Variants in TXN2 observed in about 807,000 individuals in gnomAD.
The protein encoded by TXN2 is thioredoxin 2.
In TXN2, 12 loss-of-function variants were observed where a neutral mutation model predicts 14.6. The observed-to-expected ratio is 0.82, with a 90% CI of 0.53 to 1.33. The LOEUF (loss-of-function observed/expected upper bound fraction) is 1.33. Among genes scored for constraint, TXN2 ranks in the 40% most tolerant of loss-of-function variants. The pLI is 0.00. For synonymous variants in TXN2, 89 were observed against 81.0 expected, an observed-to-expected ratio of 1.10 and a Z score of -0.53; for missense variants, 173 against 207.7, an observed-to-expected ratio of 0.83 and a Z score of 1.03.
At chr22:36,478,621 C>T (rs897615662) in intron 2 of TXN2, among the ~76,000 whole-genome samples, 1 of 152,164 alleles carries the variant, frequency 6.6e-6, no homozygotes, top group African/African-American at 2.4e-5. Context: ...TCCTGAGTAG[C>T]AGGTGTGGTG....
intron 1 of TXN2, 183 bp from the exon 2 acceptor site, chr22:36,481,020 T>G: frequency 1.7e-6 from 1 of 598,790 alleles, no homozygotes; most frequent in East Asian, 3.1e-5. Flanking sequence ...AAGGAACAGC[T>G]AGGCAAACCA....
chr22:36,475,589 G>A (rs1451344683), intron 3 of TXN2, among the ~76,000 whole-genome samples: 2 of 152,122 alleles, frequency 1.3e-5, no homozygotes, highest in African/African-American at 2.4e-5. Context: ...TTTCGGCTAC[G>A]AGCCCAGCTG....
In TXN2 at chr22:36,480,759, G is replaced by C. The variant is rs780135728; in HGVS notation, c.79C>G (p.Leu27Val). Residue 27 changes from leucine (L) to valine (V), a missense_variant, in exon 2 of 4, where the codon CTC (leucine) becomes GTC (valine). Leu to Val is a conservative substitution (Grantham distance 32). Transcript: ENST00000216185. ...RKPSQGQWPP[L>V]TSRALQTPQC... ...GGGGTCTGCAGGGCTCTGGAAGTGA[G>C]GGGTGGCCACTGACCCTGAGAGGGC... 1 of 1,613,840 alleles carries C rather than the reference G, an allele frequency of 6.2e-7. No individual in the cohort carries two copies. The highest frequency in any genetic ancestry group is 8.5e-7 in the Non-Finnish European group (1 of 1,179,848).
At position 36,467,605 on chromosome 22, in the gene TXN2, G is replaced by A. The variant is rs1286741196; in HGVS notation, c.*199C>T. Reference sequence around the variant, plus strand: ...TATGGGAGGGAAGACAGCGGTCCCCGGATCAGCAGCAGCACCACCATCCTC... The same window carrying A: ...TATGGGAGGGAAGACAGCGGTCCCCAGATCAGCAGCAGCACCACCATCCTC... On this transcript the variant is annotated 3_prime_UTR_variant, in exon 4 of 4. Coordinates refer to ENST00000216185, the MANE Select transcript of TXN2 (RefSeq NM_012473.4). 9 of 573,604 alleles carry A rather than the reference G, an allele frequency of 1.6e-5. No homozygotes were observed. Among genetic ancestry groups the A allele is most frequent in the African/African-American group, 5.6e-5 (3 of 53,260 alleles). The allele number at this position is 573,604 out of a possible 1,614,324, so 35.5% of individuals were successfully genotyped here. A position where few individuals can be genotyped will look rare whatever the true frequency, so the allele number is the denominator to read the frequency against.
chr22:36,476,971 A>G (rs1394712905), intron 2 of TXN2, 115 bp from the exon 3 acceptor site: 3 of 1,509,972 alleles, frequency 2.0e-6, no homozygotes, highest in African/African-American at 2.8e-5. Context: ...ATCTCTGTTT[A>G]CCATGTTTAA....
intron 2 of TXN2, 149 bp from the exon 3 acceptor site, chr22:36,477,005 G>T (rs1189811896): frequency 2.2e-5 from 30 of 1,341,998 alleles, no homozygotes; most frequent in Non-Finnish European, 3.0e-5. Flanking sequence ...AAATGGTAAT[G>T]CCAGGAGATT....
chr22:36,469,637 T>C (rs1406994310), intron 3 of TXN2, among the ~76,000 whole-genome samples: 2 of 152,178 alleles, frequency 1.3e-5, no homozygotes, highest in African/African-American at 4.8e-5. Flanking sequence ...CTGGCATTCG[T>C]GGGCATTTGA....
rs182227612 is a variant in TXN2 at position 36,471,812 on chromosome 22, T to C, written c.388-3895A>G. On this transcript the variant is annotated intron_variant, in intron 3 of 3. Transcript: ENST00000216185. ...GGTGAAACCTTGTCTCTACCAAAAA[T>C]ACAAAAATTAGGCCGGGCGTGGTGG... Among the ~76,000 whole-genome samples the C allele has an allele frequency of 1.4e-3, 213 of 151,614 alleles. 1 individual carries two copies. In the South Asian group the frequency reaches 0.027, roughly 19 times the overall value.
chr22:36,476,810 C>T lies in TXN2; in HGVS notation c.310G>A (p.Val104Met). ...KILGPRLEKM[V>M]AKQHGKVVMA... is the part of the protein sequence containing the mutation. ...ACCACCTTCCCGTGCTGCTTGGCCA[C>T]CATCTTCTCTAACCTCGGCCCCAGG... Residue 104 changes from valine to methionine, a missense_variant, in exon 3 of 4, where the codon GTG becomes ATG. Transcript: ENST00000216185. 6.2e-7 allele frequency: 1 copy of T among 1,614,168 alleles called. No individual in the cohort carries two copies. The highest frequency in any genetic ancestry group is 8.5e-7 in the Non-Finnish European group (1 of 1,180,036).
At chr22:36,469,878 C>A (rs1933237879) in intron 3 of TXN2, among the ~76,000 whole-genome samples, 1 of 152,162 alleles carries the variant, frequency 6.6e-6, no homozygotes, top group Non-Finnish European at 1.5e-5. Flanking sequence ...ATCGCTTGAA[C>A]CCGGGAGGCA....
At chr22:36,471,842 C>A (rs10222216) in intron 3 of TXN2, among the ~76,000 whole-genome samples, 5 of 151,864 alleles carry the variant, frequency 3.3e-5, no homozygotes, top group Non-Finnish European at 5.9e-5. Flanking sequence ...TGGTGGCTCA[C>A]GCCTGTAATT....
intron 3 of TXN2, among the ~76,000 whole-genome samples, chr22:36,474,077 C>T (rs1933338555): frequency 6.6e-6 from 1 of 152,176 alleles, no homozygotes; most frequent in South Asian, 2.1e-4. Flanking sequence ...CCCTAGGAGC[C>T]CCAGCCCGGG....
intron 2 of TXN2, among the ~76,000 whole-genome samples, chr22:36,478,748 TG>T (rs1460641089): frequency 6.6e-6 from 1 of 151,434 alleles, no homozygotes; most frequent in Non-Finnish European, 1.5e-5. Context: ...GAGAATCACC[TG>T]TGGTCAGGAG....
At chr22:36,478,600 C>T (rs1933435931) in intron 2 of TXN2, among the ~76,000 whole-genome samples, 1 of 152,178 alleles carries the variant, frequency 6.6e-6, no homozygotes, top group East Asian at 1.9e-4. Context: ...AGCAATTCTC[C>T]TGCCTCAGCC....
chr22:36,467,601 C>A lies in TXN2; in HGVS notation c.*203G>T. Reference sequence around the variant, plus strand: ...GGCGTATGGGAGGGAAGACAGCGGTCCCCGGATCAGCAGCAGCACCACCAT... The same window carrying A: ...GGCGTATGGGAGGGAAGACAGCGGTACCCGGATCAGCAGCAGCACCACCAT... On this transcript the variant is annotated 3_prime_UTR_variant, in exon 4 of 4. Coordinates refer to ENST00000216185, the MANE Select transcript of TXN2 (RefSeq NM_012473.4). 5.3e-6 allele frequency: 3 copies of A among 566,904 alleles called. No individual in the cohort carries two copies. The highest frequency in any genetic ancestry group is 3.9e-5 in the South Asian group (2 of 50,780). The allele number at this position is 566,904 out of a possible 1,614,324, so 35.1% of individuals were successfully genotyped here.
intron 3 of TXN2, among the ~76,000 whole-genome samples, chr22:36,469,493 G>A (rs1224839822): frequency 6.6e-6 from 1 of 152,172 alleles, no homozygotes; most frequent in East Asian, 1.9e-4. Context: ...CAGGCAGATG[G>A]CAAGGACAAC....
At position 36,467,516 on chromosome 22, in the gene TXN2, C is replaced by T. The variant is rs1174172817; in HGVS notation, c.*288G>A. The T allele has an allele frequency of 1.8e-5, 7 of 389,354 alleles. No individual in the cohort carries two copies. Among genetic ancestry groups the T allele is most frequent in the Non-Finnish European group, 2.9e-5 (6 of 206,814 alleles). The allele number at this position is 389,354 out of a possible 1,614,324, so 24.1% of individuals were successfully genotyped here. On this transcript the variant is annotated 3_prime_UTR_variant, in exon 4 of 4. Transcript: ENST00000216185. ...CCTGACTAGGAACGCTGTGGGCTGG[C>T]CCAGGCTCTCGCCACACATCCTGGG... is the stretch of plus-strand genomic sequence containing the variant.
In TXN2 at chr22:36,470,448, T is replaced by C. The variant is rs564324362; in HGVS notation, c.388-2531A>G. On this transcript the variant is annotated intron_variant, in intron 3 of 3. Coordinates refer to ENST00000216185, the MANE Select transcript of TXN2 (RefSeq NM_012473.4). Reference sequence around the variant, plus strand: ...CCCTCTAGTGGTCTGCAAAGGCAGCTGGAGTGCCTCAAAGCCGGAGCCTCT... The same window carrying C: ...CCCTCTAGTGGTCTGCAAAGGCAGCCGGAGTGCCTCAAAGCCGGAGCCTCT... Among the ~76,000 whole-genome samples the C allele has an allele frequency of 8.3e-4, 126 of 152,320 alleles. 1 individual carries two copies. The highest frequency in any genetic ancestry group is 1.6e-3 in the Non-Finnish European group (109 of 68,018).
In TXN2 at chr22:36,467,659, G is replaced by A. The variant is rs538924000; in HGVS notation, c.*145C>T. On this transcript the variant is annotated 3_prime_UTR_variant, in exon 4 of 4. Coordinates refer to ENST00000216185, the MANE Select transcript of TXN2 (RefSeq NM_012473.4). ...TGGCCCCTGGGCAGTCCGCCAGCTC[G>A]GAAGCACTCAGGGCTGGAGCCTGGG... The A allele has an allele frequency of 5.9e-5, 41 of 699,272 alleles. No individual in the cohort carries two copies. The highest frequency in any genetic ancestry group is 3.3e-4 in the African/African-American group (19 of 56,960). The allele number at this position is 699,272 out of a possible 1,614,324, so 43.3% of individuals were successfully genotyped here. A position where few individuals can be genotyped will look rare whatever the true frequency, so the allele number is the denominator to read the frequency against.
Sources: allele counts gnomAD v4.1 joint callset (sites outside exome capture counted in the v4.1 genomes callset), GRCh38; gene constraint gnomAD v4.1.1; transcripts MANE v1.5; gene names NCBI Gene and HGNC (gene_info 2026-07-23, HGNC 2026-07-21).